GTF2IRD1: variants seen among roughly 807,000 people sequenced by gnomAD.
The protein encoded by GTF2IRD1 is GTF2I repeat domain containing 1.
In GTF2IRD1, 26 loss-of-function variants were observed where a neutral mutation model predicts 113.2. That is an observed-to-expected ratio of 0.23 (90% CI 0.17 to 0.32). The LOEUF (loss-of-function observed/expected upper bound fraction) is 0.32, where lower values mean the gene tolerates loss of function less well. Ranked by LOEUF, GTF2IRD1 falls within the 10% of genes least tolerant of loss-of-function variation. The pLI is 1.00. For missense variants in GTF2IRD1, 864 were observed against 1,280.8 expected (o/e 0.67, Z 4.97); for synonymous variants, 484 against 529.1 (o/e 0.91, Z 1.17).
At chr7:74,566,196 T>C (rs1800306064) in intron 22 of GTF2IRD1, among the ~76,000 whole-genome samples, 1 of 152,222 alleles carries the variant, frequency 6.6e-6, no homozygotes, top group East Asian at 1.9e-4. Flanking sequence ...TTCTATAAAT[T>C]TACACATTTA....
chr7:74,467,109 C>T (rs1793771496), intron 1 of GTF2IRD1, among the ~76,000 whole-genome samples: 1 of 152,012 alleles, frequency 6.6e-6, no homozygotes, highest in African/African-American at 2.4e-5. Context: ...CCAACACACC[C>T]GGCTAGTTTT....
intron 1 of GTF2IRD1, among the ~76,000 whole-genome samples, chr7:74,503,647 G>T (rs1796148829): frequency 6.6e-6 from 1 of 152,194 alleles, no homozygotes; most frequent in Non-Finnish European, 1.5e-5. Context: ...TACGGGGGAG[G>T]CTGAGGCAGG....
Position 74,463,050 on chromosome 7 carries a change from G to A in GTF2IRD1, c.-7+8874G>A, listed in dbSNP as rs782347525. Among the ~76,000 whole-genome samples the A allele has an allele frequency of 2.0e-5, 3 of 152,286 alleles. No individual in the cohort carries two copies. The Middle Eastern group carries it at 0.01, about 518-fold the overall frequency. ...TGGGGTTCCTGGTGGTGCGTCTCTG[G>A]TCTTCACTCCTGCAGCTGTTTTGCT... is the stretch of plus-strand genomic sequence containing the variant. On this transcript the variant is annotated intron_variant, in intron 1 of 26. Transcript: ENST00000424337.
chr7:74,468,086 C>T (rs1554331376), intron 1 of GTF2IRD1, among the ~76,000 whole-genome samples: 1 of 152,140 alleles, frequency 6.6e-6, no homozygotes, highest in African/African-American at 2.4e-5. Flanking sequence ...GAGCTTTACT[C>T]CCCAGTGTAC....
At chr7:74,521,422 G>T (rs370915541) in intron 7 of GTF2IRD1, 125 bp downstream of exon 7, 37 of 683,882 alleles carry the variant, frequency 5.4e-5, no homozygotes, top group East Asian at 3.5e-4. Context: ...TCTGCTCAAG[G>T]GGCTGCAAGT....
At chr7:74,588,452 T>C (rs587742675) in intron 22 of GTF2IRD1, among the ~76,000 whole-genome samples, 2 of 152,268 alleles carry the variant, frequency 1.3e-5, no homozygotes, top group Non-Finnish European at 2.9e-5. Flanking sequence ...TGGCTGGTCC[T>C]TCTGTCCTGG....
At chr7:74,489,384 C>T (rs555166773) in intron 1 of GTF2IRD1, among the ~76,000 whole-genome samples, 10 of 152,072 alleles carry the variant, frequency 6.6e-5, no homozygotes, top group Non-Finnish European at 1.3e-4. Flanking sequence ...GCTCTGTTGC[C>T]CAGGCTGGAG....
At chr7:74,538,110 G>T (rs781908847) in intron 11 of GTF2IRD1, 26 bp from the exon 12 acceptor site, 2 of 1,611,114 alleles carry the variant, frequency 1.2e-6, no homozygotes, top group Admixed American at 3.3e-5. Flanking sequence ...TGGCTGACAG[G>T]TGTCATTTCC....
intron 1 of GTF2IRD1, among the ~76,000 whole-genome samples, chr7:74,489,379 G>T (rs1464227166): frequency 2.6e-5 from 4 of 151,966 alleles, no homozygotes; most frequent in African/African-American, 9.7e-5. Flanking sequence ...GTCTTGCTCT[G>T]TTGCCCAGGC....
chr7:74,591,299 TAA>T, intron 24 of GTF2IRD1, among the ~76,000 whole-genome samples: 1 of 151,312 alleles, frequency 6.6e-6, no homozygotes, highest in Middle Eastern at 3.5e-3. Flanking sequence ...CATTTAAATA[TAA>T]ATATGTTTAT....
At chr7:74,537,512 C>T (rs1241801380) in intron 11 of GTF2IRD1, among the ~76,000 whole-genome samples, 1 of 152,132 alleles carries the variant, frequency 6.6e-6, no homozygotes, top group East Asian at 1.9e-4. Context: ...TGCATACATA[C>T]ATACCAACAC....
intron 22 of GTF2IRD1, among the ~76,000 whole-genome samples, chr7:74,581,074 C>T (rs1344823718): frequency 1.3e-5 from 2 of 152,034 alleles, no homozygotes; most frequent in Non-Finnish European, 2.9e-5. Flanking sequence ...GGCTGGAGTG[C>T]AGTGGCGCCA....
chr7:74,588,574 G>A (rs1480572916), intron 22 of GTF2IRD1, among the ~76,000 whole-genome samples: 16 of 150,662 alleles, frequency 1.1e-4, no homozygotes, highest in African/African-American at 2.2e-4. Flanking sequence ...TCTGTCTCCC[G>A]GGCTGGACTG....
intron 1 of GTF2IRD1, among the ~76,000 whole-genome samples, chr7:74,501,246 A>G (rs1243714301): frequency 6.6e-6 from 1 of 152,088 alleles, no homozygotes; most frequent in African/African-American, 2.4e-5. Flanking sequence ...CTGTGTCATC[A>G]TTCCACGGGG....
chr7:74,502,540 G>A (rs1289416267), intron 1 of GTF2IRD1, among the ~76,000 whole-genome samples: 1 of 152,194 alleles, frequency 6.6e-6, no homozygotes, highest in Non-Finnish European at 1.5e-5. Flanking sequence ...TGTCACCCTG[G>A]CCCCAGGGCT....
intron 22 of GTF2IRD1, among the ~76,000 whole-genome samples, chr7:74,561,317 C>T (rs2130797751): frequency 6.7e-6 from 1 of 149,020 alleles, no homozygotes; most frequent in South Asian, 2.1e-4. Context: ...CGACTGCACT[C>T]CACCTTGGGC....
chr7:74,595,073 C>T, intron 25 of GTF2IRD1, 22 bp downstream of exon 25: 2 of 1,566,520 alleles, frequency 1.3e-6, no homozygotes, highest in Non-Finnish European at 1.8e-6. Flanking sequence ...GTGAAGAAGC[C>T]ACCCTTCTGC....
intron 22 of GTF2IRD1, among the ~76,000 whole-genome samples, chr7:74,581,883 T>A (rs1202739834): frequency 6.6e-6 from 1 of 152,188 alleles, no homozygotes; most frequent in Non-Finnish European, 1.5e-5. Context: ...GGCACACACC[T>A]GTAGCACCAG....
intron 3 of GTF2IRD1, among the ~76,000 whole-genome samples, chr7:74,514,000 G>A (rs1234209666): frequency 2.0e-5 from 3 of 152,078 alleles, no homozygotes; most frequent in Non-Finnish European, 2.9e-5. Context: ...GTGACAGTGA[G>A]TCCCCATCTC....
Sources: allele counts gnomAD v4.1 joint callset (sites outside exome capture counted in the v4.1 genomes callset), GRCh38; gene constraint gnomAD v4.1.1; transcripts MANE v1.5; gene names NCBI Gene and HGNC (gene_info 2026-07-23, HGNC 2026-07-21).